The following LPP variants were observed in gnomAD, a reference collection of about 807,000 sequenced individuals.
LPP encodes the protein lipoma-preferred partner.
LPP carries 38 observed loss-of-function variants against 60.4 expected under a neutral mutation model. The observed-to-expected ratio is 0.63, with a 90% CI of 0.49 to 0.83. LPP has a LOEUF of 0.83. LPP is among the 40% of genes least tolerant of loss of function. The pLI is 0.00. For synonymous variants in LPP, 328 were observed against 290.8 expected (o/e 1.13, Z -1.30); for missense variants, 902 against 783.6 (o/e 1.15, Z -1.80).
At chr3:188,181,558 C>T (rs115006117) in intron 1 of LPP, among the ~76,000 whole-genome samples, 1,828 of 152,204 alleles carry the variant, frequency 0.012, 34 homozygotes, top group African/African-American at 0.042. Flanking sequence ...CTCTTGTTTC[C>T]GCTGCTGCTT....
At chr3:188,660,998 T>A (rs1423507743) in intron 7 of LPP, among the ~76,000 whole-genome samples, 1 of 152,164 alleles carries the variant, frequency 6.6e-6, no homozygotes, top group Non-Finnish European at 1.5e-5. Flanking sequence ...CTCTGCCTAT[T>A]ATTACTTTCT....
At chr3:188,156,857 C>CG (rs1240284767) in intron 1 of LPP, among the ~76,000 whole-genome samples, 1 of 151,404 alleles carries the variant, frequency 6.6e-6, no homozygotes, top group South Asian at 2.1e-4. Flanking sequence ...CCCCACCCCC[C>CG]CAAGAAAAAT....
At chr3:188,187,206 T>C (rs1468919148) in intron 1 of LPP, among the ~76,000 whole-genome samples, 2 of 152,200 alleles carry the variant, frequency 1.3e-5, no homozygotes, top group Non-Finnish European at 2.9e-5. Context: ...TGTGGTTTGA[T>C]TGCAAAAGCT....
chr3:188,884,675 T>C lies in LPP; in HGVS notation c.*10196T>C, dbSNP rs1306791649. On this transcript the variant is annotated 3_prime_UTR_variant, in exon 12 of 12. Transcript: ENST00000617246. ...CCAAGACCATATCATTTAGAATTCATTGGCATGTAGAGGTGACTCGATTCC... is the reference window on the plus strand; with the variant it reads ...CCAAGACCATATCATTTAGAATTCACTGGCATGTAGAGGTGACTCGATTCC... 1.3e-5 allele frequency: 3 copies of C among 228,586 alleles called. No homozygotes were observed. Among genetic ancestry groups the C allele is most frequent in the Admixed American group, 5.7e-5 (1 of 17,654 alleles). The allele number at this position is 228,586 out of a possible 1,614,324, so 14.2% of individuals were successfully genotyped here. A position where few individuals can be genotyped will look rare whatever the true frequency, so the allele number is the denominator to read the frequency against.
intron 7 of LPP, among the ~76,000 whole-genome samples, chr3:188,680,766 G>T (rs73056801): frequency 6.6e-6 from 1 of 152,136 alleles, no homozygotes; most frequent in East Asian, 1.9e-4. Flanking sequence ...AAGGATCATT[G>T]TGCTGTTGTT....
Position 188,862,717 on chromosome 3 carries a change from AAATAAATAAATAAATAAATAAAAG to A in LPP, c.1411-3480_1411-3457del, listed in dbSNP as rs1765494278. On this transcript the variant is annotated intron_variant, in intron 9 of 11. Coordinates refer to ENST00000617246, the MANE Select transcript of LPP (RefSeq NM_001375462.1). ...ATGCTGGCAACCCTACTAGACAAAA[AAATAAATAAATAAATAAATAAAAG>A]AAAAAAGAAAAGAAAGAAAGAAAAA... Among the ~76,000 whole-genome samples, 6 of 100,346 alleles carry A rather than the reference AAATAAATAAATAAATAAATAAAAG, an allele frequency of 6.0e-5. 2 individuals carry two copies. The Admixed American group carries it at 6.9e-4, about 12-fold the overall frequency. The allele number at this position is 100,346 out of a possible 152,430, so 65.8% of individuals were successfully genotyped here. A position where few individuals can be genotyped will look rare whatever the true frequency, so the allele number is the denominator to read the frequency against.
At chr3:188,836,324 C>G (rs1758437606) in intron 9 of LPP, among the ~76,000 whole-genome samples, 1 of 152,148 alleles carries the variant, frequency 6.6e-6, no homozygotes, top group Non-Finnish European at 1.5e-5. Flanking sequence ...ATGACATATT[C>G]CTGGGTATTC....
At chr3:188,412,464 A>G (rs931457553) in intron 4 of LPP, among the ~76,000 whole-genome samples, 1 of 152,126 alleles carries the variant, frequency 6.6e-6, no homozygotes, top group Non-Finnish European at 1.5e-5. Flanking sequence ...GAAAATTCTT[A>G]CTGTCACTCT....
intron 5 of LPP, among the ~76,000 whole-genome samples, chr3:188,509,527 G>T (rs1814574065): frequency 6.6e-6 from 1 of 152,144 alleles, no homozygotes; most frequent in South Asian, 2.1e-4. Flanking sequence ...CGGCTTAAGT[G>T]GACCCGTCCC....
chr3:188,407,784 G>GTTTTTTTTTTTTTTTTTTTTTTTTTTTTT (rs1397646143), intron 4 of LPP, among the ~76,000 whole-genome samples: 1 of 114,824 alleles, frequency 8.7e-6, no homozygotes, highest in Admixed American at 9.4e-5. Context: ...TTTTTTGTTT[G>GTTTTTTTTTTTTTTTTTTTTTTTTTTTTT]TTTGTTTTTT....
chr3:188,517,712 T>C (rs557042893), intron 5 of LPP, among the ~76,000 whole-genome samples: 1 of 152,300 alleles, frequency 6.6e-6, no homozygotes, highest in South Asian at 2.1e-4. Flanking sequence ...AAACCCCTGA[T>C]AAAACCATCA....
intron 9 of LPP, among the ~76,000 whole-genome samples, chr3:188,808,806 A>G (rs1749978607): frequency 6.6e-6 from 1 of 152,024 alleles, no homozygotes; most frequent in Admixed American, 6.6e-5. Flanking sequence ...TACATTAGCT[A>G]TTTGTCCTGA....
intron 1 of LPP, among the ~76,000 whole-genome samples, chr3:188,160,892 A>G (rs558832001): frequency 6.6e-6 from 1 of 152,362 alleles, no homozygotes; most frequent in Admixed American, 6.5e-5. Flanking sequence ...GGAGTGACCA[A>G]TCATCTAGAA....
chr3:188,231,923 G>T (rs535615886), intron 2 of LPP, among the ~76,000 whole-genome samples: 89 of 152,230 alleles, frequency 5.8e-4, no homozygotes, highest in Admixed American at 3.9e-4. Context: ...AATATTACAC[G>T]GCTCAGACAG....
chr3:188,564,651 G>A (rs1831664215), intron 6 of LPP, among the ~76,000 whole-genome samples: 1 of 151,824 alleles, frequency 6.6e-6, no homozygotes, highest in Non-Finnish European at 1.5e-5. Context: ...TTAGATGATG[G>A]GAATTTATGG....
At chr3:188,433,015 A>G (rs1160935245) in intron 4 of LPP, among the ~76,000 whole-genome samples, 1 of 152,160 alleles carries the variant, frequency 6.6e-6, no homozygotes, top group East Asian at 1.9e-4. Context: ...GTACACCAGA[A>G]AAACGAGCAG....
At chr3:188,750,162 G>A (rs973723802) in intron 8 of LPP, among the ~76,000 whole-genome samples, 4 of 152,156 alleles carry the variant, frequency 2.6e-5, no homozygotes, top group African/African-American at 9.7e-5. Flanking sequence ...TTCACAAAGG[G>A]CTTTATCCCA....
intron 1 of LPP, among the ~76,000 whole-genome samples, chr3:188,169,169 A>G (rs936359765): frequency 3.3e-5 from 5 of 152,230 alleles, no homozygotes; most frequent in Admixed American, 6.5e-5. Context: ...ATCCTATTCT[A>G]TTAACATTTC....
chr3:188,724,362 A>G (rs1717579608), intron 8 of LPP, among the ~76,000 whole-genome samples: 1 of 152,196 alleles, frequency 6.6e-6, no homozygotes, highest in Admixed American at 6.5e-5. Flanking sequence ...TGCTCATTCC[A>G]TGACTTTTCT....
Sources: gnomAD v4.1 joint callset for allele counts (sites outside exome capture counted in the v4.1 genomes callset) on GRCh38, gnomAD v4.1.1 for gene constraint, MANE v1.5 for transcripts, NCBI Gene and HGNC (gene_info 2026-07-23, HGNC 2026-07-21) for gene names.